The following PPDPF variants were observed in gnomAD, a reference collection of about 807,000 sequenced individuals.
PPDPF encodes the protein pancreatic progenitor cell differentiation and proliferation factor, also known as exocrine differentiation and proliferation factor.
PPDPF carries 11 observed loss-of-function variants against 6.3 expected under a neutral mutation model. The ratio of observed to expected loss-of-function variants is 1.76; its 90% CI spans 1.11 to 2.91. The LOEUF (loss-of-function observed/expected upper bound fraction) is 2.91. PPDPF is among the 30% of genes most tolerant of loss of function. PPDPF has a pLI of 0.00. For synonymous variants in PPDPF, 86 were observed against 64.5 expected (o/e 1.33, Z -1.60); for missense variants, 202 against 159.4 (o/e 1.27, Z -1.44).
chr20:63,520,972 C>G, intron 1 of PPDPF, 78 bp downstream of exon 1: 1 of 997,622 alleles, frequency 1.0e-6, no homozygotes, highest in Non-Finnish European at 1.2e-6. Flanking sequence ...CCGGGGGCTC[C>G]TCTCCTCTCC....
chr20:63,521,508 C>G lies in PPDPF; in HGVS notation c.56-4C>G. On this transcript the variant is annotated splice_polypyrimidine_tract_variant and splice_region_variant and intron_variant, in intron 2 of 3. Coordinates refer to ENST00000370179, the MANE Select transcript of PPDPF (RefSeq NM_024299.4). ...GCGTTGCTGACGGGACCTCTCCTCT[C>G]CAGGCCGCCTGGGTTCCACTTCCAG... 6.4e-7 allele frequency: 1 copy of G among 1,574,702 alleles called. No individual in the cohort carries two copies. The highest frequency in any genetic ancestry group is 8.6e-7 in the Non-Finnish European group (1 of 1,159,352).
intron 1 of PPDPF, among the ~76,000 whole-genome samples, 188 bp from the exon 2 acceptor site, chr20:63,521,096 C>T (rs2082540068): frequency 6.6e-6 from 1 of 152,056 alleles, no homozygotes; most frequent in African/African-American, 2.4e-5. Flanking sequence ...CACAAAGCGC[C>T]TTTGTTCCAC....
At position 63,521,887 on chromosome 20, in the gene PPDPF, G is replaced by A; in HGVS notation, c.*8G>A. 8 of 1,570,400 alleles carry A rather than the reference G, an allele frequency of 5.1e-6. No individual in the cohort carries two copies. Among genetic ancestry groups the A allele is most frequent in the Non-Finnish European group, 6.0e-6 (7 of 1,158,702 alleles). ...GCTGGGCCCCCGTCCTGACCTGAGC[G>A]GTTACCACCAGCCCCAGGCCTGCGG... On this transcript the variant is annotated 3_prime_UTR_variant, in exon 4 of 4. Coordinates refer to ENST00000370179, the MANE Select transcript of PPDPF (RefSeq NM_024299.4).
Position 63,522,096 on chromosome 20 carries a change from G to A in PPDPF, c.*217G>A, listed in dbSNP as rs1007158423. On this transcript the variant is annotated 3_prime_UTR_variant, in exon 4 of 4. Coordinates refer to ENST00000370179, the MANE Select transcript of PPDPF (RefSeq NM_024299.4). The stretch of plus-strand genomic sequence containing the variant: ...TCTCTACCGCCCGGCCCCAGCACTC[G>A]CTAGCTTTCCTGACACCTGGAACTG... 9.9e-6 allele frequency: 6 copies of A among 603,758 alleles called. No individual in the cohort carries two copies. Among genetic ancestry groups the A allele is most frequent in the African/African-American group, 1.9e-5 (1 of 53,396 alleles). The allele number at this position is 603,758 out of a possible 1,614,324, so 37.4% of individuals were successfully genotyped here.
Position 63,521,984 on chromosome 20 carries a change from CCA to C in PPDPF, c.*107_*108del. 2.4e-6 allele frequency: 2 copies of C among 816,788 alleles called. No individual in the cohort carries two copies. The allele number at this position is 816,788 out of a possible 1,614,324, so 50.6% of individuals were successfully genotyped here. On this transcript the variant is annotated 3_prime_UTR_variant, in exon 4 of 4. Coordinates refer to ENST00000370179, the MANE Select transcript of PPDPF (RefSeq NM_024299.4). ...CATCCCTCGCCCCCCTCCCCACCTC[CCA>C]CCCCCCACCCTGTAAACTAGGCGGC...
rs2082540332 is a variant in PPDPF, at chr20:63,521,145, C to T, written c.-25-139C>T. On this transcript the variant is annotated intron_variant, in intron 1 of 3. Transcript: ENST00000370179. ...TTGGGCTGGTTGGAGCCGCCCGCGCCCCGCGCGGCGAAGGCGGTGCCGGGA... is the reference window on the plus strand; with the variant it reads ...TTGGGCTGGTTGGAGCCGCCCGCGCTCCGCGCGGCGAAGGCGGTGCCGGGA... 6.3e-6 allele frequency: 6 copies of T among 948,770 alleles called. No homozygotes were observed. The Admixed American group carries it at 2.0e-4, about 32-fold the overall frequency. The allele number at this position is 948,770 out of a possible 1,614,324, so 58.8% of individuals were successfully genotyped here.
intron 1 of PPDPF, 43 bp downstream of exon 1, chr20:63,520,937 G>A: frequency 9.8e-7 from 1 of 1,016,596 alleles, no homozygotes; most frequent in South Asian, 4.6e-5. Context: ...GGCCCGAGGG[G>A]CGGGGGGCGA....
intron 1 of PPDPF, 58 bp downstream of exon 1, chr20:63,520,952 C>CGG: frequency 2.7e-5 from 25 of 939,086 alleles, no homozygotes; most frequent in Non-Finnish European, 2.4e-5. Flanking sequence ...GGGCGAGGGG[C>CGG]GGGGCTGGGC....
intron 1 of PPDPF, 92 bp downstream of exon 1, chr20:63,520,986 TG>T: frequency 1.2e-6 from 1 of 848,624 alleles, no homozygotes; most frequent in Non-Finnish European, 1.5e-6. Flanking sequence ...CCTCTCCGCC[TG>T]GCGAGCGCTG....
At chr20:63,520,751 G>T, upstream of PPDPF, 8 of 971,366 alleles carry the variant, frequency 8.2e-6, no homozygotes, top group Non-Finnish European at 9.7e-6. Context: ...AAGTGGGCGC[G>T]TCCGCGCGTG....
chr20:63,521,702 C>T lies in PPDPF; in HGVS notation c.168C>T (p.Ala56=), dbSNP rs141846210. ...AGGCTGACCCGGGTCATTGGTGGGC[C>T]AGCTTCTTTTTCGGGAAGTCCACCC... ...LPKADPGHWW[A]SFFFGKSTLP... The change falls in exon 4 of 4, where the codon GCC becomes GCT. Residue 56 remains alanine, a synonymous_variant. Transcript: ENST00000370179. The T allele has an allele frequency of 1.7e-5, 28 of 1,613,478 alleles. No homozygotes were observed. The highest frequency in any genetic ancestry group is 1.6e-4 in the Middle Eastern group (1 of 6,062).
intron 1 of PPDPF, 95 bp from the exon 2 acceptor site, chr20:63,521,189 G>C (rs1381488394): frequency 8.3e-7 from 1 of 1,205,950 alleles, no homozygotes; most frequent in African/African-American, 1.6e-5. Flanking sequence ...GCCCCGCCTC[G>C]GTAAATAACC....
At chr20:63,521,432 C>A in intron 2 of PPDPF, 69 bp downstream of exon 2, 1 of 1,580,416 alleles carries the variant, frequency 6.3e-7, no homozygotes, top group Non-Finnish European at 8.6e-7. Context: ...GTGCAGGCTG[C>A]GGAACCAGCG....
intron 3 of PPDPF, 27 bp downstream of exon 3, chr20:63,521,616 C>T (rs1159982265): frequency 3.7e-6 from 6 of 1,611,894 alleles, no homozygotes; most frequent in East Asian, 2.2e-5. Context: ...CCCTTTCTCC[C>T]CCCGCTCCTC....
At chr20:63,521,140 C>G in intron 1 of PPDPF, 144 bp from the exon 2 acceptor site, 2 of 920,846 alleles carry the variant, frequency 2.2e-6, no homozygotes, top group South Asian at 2.1e-5. Flanking sequence ...TGGAGCCGCC[C>G]GCGCCCCGCG....
intron 2 of PPDPF, 62 bp downstream of exon 2, chr20:63,521,425 C>T: frequency 1.3e-6 from 2 of 1,586,292 alleles, no homozygotes; most frequent in Admixed American, 3.5e-5. Flanking sequence ...CGGCCCCGTG[C>T]AGGCTGCGGA....
Position 63,521,946 on chromosome 20 carries a change from TCTCCCCACTCCGCATCCCTCGCCCCC to T in PPDPF, c.*76_*101del, listed in dbSNP as rs2082552918. On this transcript the variant is annotated 3_prime_UTR_variant, in exon 4 of 4. Transcript: ENST00000370179. ...GTCCACCAGAGCCCCTCCCCGCCCCTCTCCCCACTCCGCATCCCTCGCCCCCCTCCCCACCTCCCACCCCCCACCCT... is the reference window on the plus strand; with the variant it reads ...GTCCACCAGAGCCCCTCCCCGCCCCTCTCCCCACCTCCCACCCCCCACCCT... 5 of 949,372 alleles carry T rather than the reference TCTCCCCACTCCGCATCCCTCGCCCCC, an allele frequency of 5.3e-6. No homozygotes were observed. Among genetic ancestry groups the T allele is most frequent in the African/African-American group, 6.8e-5 (2 of 29,310 alleles). 58.8% of individuals were successfully genotyped at this position (949,372 alleles called of 1,614,324 possible).
chr20:63,520,823 C>G lies in PPDPF; in HGVS notation c.-97C>G, dbSNP rs904989646. On this transcript the variant is annotated 5_prime_UTR_variant, in exon 1 of 4. Transcript: ENST00000370179. Reference sequence around the variant, plus strand: ...TCCCGCGGTCTTCTCTGCAAATGGGCTCCGTGGCCTAGCGCCCCCGTCCCC... The same window carrying G: ...TCCCGCGGTCTTCTCTGCAAATGGGGTCCGTGGCCTAGCGCCCCCGTCCCC... 1 of 985,416 alleles carries G rather than the reference C, an allele frequency of 1.0e-6. No homozygotes were observed. Among genetic ancestry groups the G allele is most frequent in the African/African-American group, 1.8e-5 (1 of 57,022 alleles). 61.0% of individuals were successfully genotyped at this position (985,416 alleles called of 1,614,324 possible).
At position 63,522,085 on chromosome 20, in the gene PPDPF, C is replaced by T. The variant is rs554975036; in HGVS notation, c.*206C>T. On this transcript the variant is annotated 3_prime_UTR_variant, in exon 4 of 4. Coordinates refer to ENST00000370179, the MANE Select transcript of PPDPF (RefSeq NM_024299.4). ...GAGAGCCCCGCTCTCTACCGCCCGG[C>T]CCCAGCACTCGCTAGCTTTCCTGAC... The T allele has an allele frequency of 9.8e-6, 6 of 610,438 alleles. No individual in the cohort carries two copies. The South Asian group carries it at 9.9e-5, about 10-fold the overall frequency. The allele number at this position is 610,438 out of a possible 1,614,324, so 37.8% of individuals were successfully genotyped here.
Sources: gnomAD v4.1 joint callset for allele counts (sites outside exome capture counted in the v4.1 genomes callset) on GRCh38, gnomAD v4.1.1 for gene constraint, MANE v1.5 for transcripts, NCBI Gene and HGNC (gene_info 2026-07-23, HGNC 2026-07-21) for gene names.